Variants in LAMA2 observed in about 807,000 individuals in gnomAD.
The protein encoded by LAMA2 is laminin subunit alpha 2.
In LAMA2, 269 loss-of-function variants were observed where a neutral mutation model predicts 364.8. That is an observed-to-expected ratio of 0.74 (90% CI 0.67 to 0.82). LAMA2 has a LOEUF of 0.82. Among genes scored for constraint, LAMA2 ranks in the 40% least tolerant of loss-of-function variants. The pLI is 0.00. For missense variants in LAMA2, 3,807 were observed against 3,873.2 expected, an observed-to-expected ratio of 0.98 and a Z score of 0.45; for synonymous variants, 1,379 against 1,370.6, an observed-to-expected ratio of 1.01 and a Z score of -0.14.
At position 129,169,028 on chromosome 6, in the gene LAMA2, C is replaced by G. The variant is rs1272934194; in HGVS notation, c.1306+3353C>G. On this transcript the variant is annotated intron_variant, in intron 9 of 64. Coordinates refer to ENST00000421865, the MANE Select transcript of LAMA2 (RefSeq NM_000426.4). ...ATTGATTTTGTATCCTGAGACTTTG[C>G]TGAAGTTGCTTATCAGCTTAAGGAG... 3.3e-5 allele frequency among the ~76,000 whole-genome samples: 5 copies of G among 152,160 alleles called. No homozygotes were observed. The East Asian group carries it at 9.6e-4, about 29-fold the overall frequency.
chr6:129,445,411 C>G (rs116998226), intron 44 of LAMA2, among the ~76,000 whole-genome samples: 2 of 152,312 alleles, frequency 1.3e-5, no homozygotes, highest in East Asian at 3.9e-4. Flanking sequence ...TTCATATTCT[C>G]TACCTTCAAT....
intron 1 of LAMA2, among the ~76,000 whole-genome samples, chr6:128,909,064 T>C (rs879539781): frequency 5.4e-5 from 8 of 149,354 alleles, no homozygotes; most frequent in African/African-American, 1.0e-4. Flanking sequence ...AAGTATGTGG[T>C]CAATTTTGGA....
intron 12 of LAMA2, among the ~76,000 whole-genome samples, chr6:129,229,464 C>T (rs893804605): frequency 1.7e-4 from 26 of 152,188 alleles, no homozygotes; most frequent in African/African-American, 4.8e-4. Flanking sequence ...GGGAAAATAT[C>T]GTAGGTCTTT....
chr6:129,315,888 G>T lies in LAMA2; in HGVS notation c.3862G>T (p.Val1288Phe), dbSNP rs758134778. ...GACACCTACTCATGCTAGAATTATC[G>T]TCAGGCATATGGCTGCTCCTCTGAT... The part of the protein sequence containing the change: ...GGTPTHARII[V>F]RHMAAPLIGQ... The change falls in exon 26 of 65, where the codon GTC becomes TTC. Residue 1288 changes from valine to phenylalanine, a missense_variant. Coordinates refer to ENST00000421865, the MANE Select transcript of LAMA2 (RefSeq NM_000426.4). 1 of 1,613,998 alleles carries T rather than the reference G, an allele frequency of 6.2e-7. No individual in the cohort carries two copies. Among genetic ancestry groups the T allele is most frequent in the Non-Finnish European group, 8.5e-7 (1 of 1,179,982 alleles).
chr6:129,160,132 C>T (rs1040768761), intron 8 of LAMA2, among the ~76,000 whole-genome samples: 1 of 152,168 alleles, frequency 6.6e-6, no homozygotes, highest in Non-Finnish European at 1.5e-5. Flanking sequence ...CGGGGAAATG[C>T]ACTTCCTCTT....
intron 1 of LAMA2, among the ~76,000 whole-genome samples, chr6:128,994,172 T>A (rs545594120): frequency 1.3e-5 from 2 of 152,244 alleles, no homozygotes; most frequent in Non-Finnish European, 2.9e-5. Context: ...CCTGTAGTTT[T>A]GTGAGAAAAG....
At chr6:128,929,663 C>T in intron 1 of LAMA2, 1 of 1,431,786 alleles carries the variant, frequency 7.0e-7, no homozygotes, top group East Asian at 2.3e-5. Flanking sequence ...CTCGGTTTGT[C>T]ACTGAAGCCA....
chr6:128,908,090 A>G (rs1360804712), intron 1 of LAMA2, among the ~76,000 whole-genome samples: 1 of 151,310 alleles, frequency 6.6e-6, no homozygotes, highest in Non-Finnish European at 1.5e-5. Flanking sequence ...ATTGGTCTAA[A>G]ATTCTCTTTT....
chr6:128,950,418 A>G (rs1262568243), intron 1 of LAMA2, among the ~76,000 whole-genome samples: 2 of 152,208 alleles, frequency 1.3e-5, no homozygotes, highest in Non-Finnish European at 2.9e-5. Context: ...AAACAGCAGC[A>G]TGGAAGATGG....
chr6:129,359,322 CATAAAACATATAT>C (rs1382129027), intron 32 of LAMA2, among the ~76,000 whole-genome samples: 4 of 148,930 alleles, frequency 2.7e-5, no homozygotes, highest in Non-Finnish European at 4.5e-5. Flanking sequence ...AAACACATAT[CATAAAACATATAT>C]ATAAAACATA....
chr6:129,340,319 G>T (rs574571641), intron 29 of LAMA2, among the ~76,000 whole-genome samples: 1 of 152,114 alleles, frequency 6.6e-6, no homozygotes, highest in South Asian at 2.1e-4. Context: ...GACAGGAAAG[G>T]CTTGACCAAT....
rs528546591 is a variant in LAMA2, at chr6:129,479,843, A to G, written c.7572+1030A>G. On this transcript the variant is annotated intron_variant, in intron 54 of 64. Transcript: ENST00000421865. ...TACAGGCTCCAATTTGGAATTGGCCATAGACACCCACTCTGAGAAGTTTGG... is the reference window on the plus strand; with the variant it reads ...TACAGGCTCCAATTTGGAATTGGCCGTAGACACCCACTCTGAGAAGTTTGG... The G allele has an allele frequency of 5.9e-5, 9 of 152,348 alleles. No individual in the cohort carries two copies. The East Asian group carries it at 1.7e-3, about 29-fold the overall frequency. 9.4% of individuals were successfully genotyped at this position (152,348 alleles called of 1,614,324 possible).
chr6:129,148,474 T>C (rs1281909326), intron 6 of LAMA2, among the ~76,000 whole-genome samples: 1 of 151,996 alleles, frequency 6.6e-6, no homozygotes, highest in African/African-American at 2.4e-5. Flanking sequence ...AAGACAGGCT[T>C]GGAAGGCCAA....
At chr6:129,190,404 T>G in intron 11 of LAMA2, 59 bp downstream of exon 11, 1 of 1,565,798 alleles carries the variant, frequency 6.4e-7, no homozygotes, top group South Asian at 1.1e-5. Flanking sequence ...GTTGCTTTCA[T>G]CGTTGTTCTT....
At position 129,280,007 on chromosome 6, in the gene LAMA2, C is replaced by T. The variant is rs1788608780; in HGVS notation, c.2451-54C>T. The T allele has an allele frequency of 5.2e-6, 6 of 1,159,532 alleles. No individual in the cohort carries two copies. In the East Asian group the frequency reaches 1.4e-4, roughly 27 times the overall value. 71.8% of individuals were successfully genotyped at this position (1,159,532 alleles called of 1,614,324 possible). ...GAGAGAAATGAGAAAATGCTAATGA[C>T]TTTGTGTATGTCCTTCTTCCTTGTC... On this transcript the variant is annotated intron_variant, in intron 17 of 64. Coordinates refer to ENST00000421865, the MANE Select transcript of LAMA2 (RefSeq NM_000426.4).
intron 1 of LAMA2, among the ~76,000 whole-genome samples, chr6:128,898,546 T>A (rs979900564): frequency 2.6e-5 from 4 of 152,248 alleles, no homozygotes; most frequent in African/African-American, 9.6e-5. Context: ...AATATCCACA[T>A]CTTTTTGTCC....
intron 12 of LAMA2, among the ~76,000 whole-genome samples, chr6:129,199,513 A>C (rs1782049189): frequency 6.6e-6 from 1 of 152,188 alleles, no homozygotes; most frequent in Non-Finnish European, 1.5e-5. Flanking sequence ...TAGGAAATAA[A>C]ATATATAGGG....
At chr6:129,158,218 A>C in intron 8 of LAMA2, 2 of 1,613,968 alleles carry the variant, frequency 1.2e-6, no homozygotes, top group South Asian at 2.2e-5. Flanking sequence ...AGCTGAGTCC[A>C]GGAACCTGTA....
At chr6:129,108,427 CTTTG>C (rs1397466747) in intron 4 of LAMA2, among the ~76,000 whole-genome samples, 1 of 152,024 alleles carries the variant, frequency 6.6e-6, no homozygotes, top group African/African-American at 2.4e-5. Flanking sequence ...CTAAATATAA[CTTTG>C]TTTGTCTAGT....
Sources: allele counts gnomAD v4.1 joint callset (sites outside exome capture counted in the v4.1 genomes callset), GRCh38; gene constraint gnomAD v4.1.1; transcripts MANE v1.5; gene names NCBI Gene and HGNC (gene_info 2026-07-23, HGNC 2026-07-21).